QSOX1: variants seen among roughly 807,000 people sequenced by gnomAD.
QSOX1 encodes the protein sulfhydryl oxidase 1.
In QSOX1, 40 loss-of-function variants were observed where a neutral mutation model predicts 76.1. The observed-to-expected ratio is 0.53, with a 90% CI of 0.41 to 0.68. The LOEUF (loss-of-function observed/expected upper bound fraction) is 0.68, where lower values mean the gene tolerates loss of function less well. Among genes scored for constraint, QSOX1 ranks in the 30% least tolerant of loss-of-function variants. The pLI, the probability that QSOX1 is intolerant of heterozygous loss-of-function variation, is 0.00. For synonymous variants in QSOX1, 392 were observed against 413.1 expected (o/e 0.95, Z 0.62); for missense variants, 931 against 974.3 (o/e 0.96, Z 0.59).
At chr1:180,163,317 C>A (rs1309483279) in intron 1 of QSOX1, among the ~76,000 whole-genome samples, 1 of 152,138 alleles carries the variant, frequency 6.6e-6, no homozygotes, top group Admixed American at 6.6e-5. Flanking sequence ...AAAATACATC[C>A]TTACATTTTA....
intron 5 of QSOX1, among the ~76,000 whole-genome samples, chr1:180,181,689 AATT>A (rs1237936339): frequency 6.6e-6 from 1 of 152,194 alleles, no homozygotes; most frequent in African/African-American, 2.4e-5. Flanking sequence ...AACAAACAAT[AATT>A]AGTAATTTCT....
At position 180,194,241 on chromosome 1, in the gene QSOX1, C is replaced by G. The variant is rs1465366923; in HGVS notation, c.1317C>G (p.Ile439Met). Residue 439 changes from isoleucine to methionine, a missense_variant, in exon 11 of 12, where the codon ATC becomes ATG. Coordinates refer to ENST00000367602, the MANE Select transcript of QSOX1 (RefSeq NM_002826.5). ...AGGCCAAGGAGGTCCTCCCAGCCAT[C>G]CGAGGCTACGTGCACTACTTCTTCG... Reference protein sequence around the residue: ...AAKAKEVLPAIRGYVHYFFGC... With the variant: ...AAKAKEVLPAMRGYVHYFFGC... 3.7e-6 allele frequency: 6 copies of G among 1,613,024 alleles called. No individual in the cohort carries two copies. Among genetic ancestry groups the G allele is most frequent in the Admixed American group, 1.7e-5 (1 of 59,926 alleles).
chr1:180,180,799 G>A (rs887540736), intron 5 of QSOX1, among the ~76,000 whole-genome samples: 3 of 152,222 alleles, frequency 2.0e-5, no homozygotes, highest in African/African-American at 4.8e-5. Flanking sequence ...ACAGGTGTGA[G>A]CCACCACGCC....
chr1:180,189,501 A>C (rs755321997), intron 8 of QSOX1, 51 bp from the exon 9 acceptor site: 6 of 1,304,048 alleles, frequency 4.6e-6, no homozygotes, highest in Non-Finnish European at 6.1e-6. Flanking sequence ...AGGACGGGGA[A>C]CTTGGGGAAT....
chr1:180,184,494 C>CCACAGCA (rs5779048), intron 7 of QSOX1, among the ~76,000 whole-genome samples: 1 of 151,528 alleles, frequency 6.6e-6, no homozygotes, highest in East Asian at 1.9e-4. Context: ...TGTGCAGACC[C>CCACAGCA]TACAGCATCC....
chr1:180,154,986 G>A lies in QSOX1; in HGVS notation c.79G>A (p.Ala27Thr). The A allele has an allele frequency of 6.6e-7, 1 of 1,508,490 alleles. No individual in the cohort carries two copies. 93.4% of individuals were successfully genotyped at this position (1,508,490 alleles called of 1,614,324 possible). A position where few individuals can be genotyped will look rare whatever the true frequency, so the allele number is the denominator to read the frequency against. Residue 27 changes from alanine to threonine, a missense_variant, in exon 1 of 12, where the codon GCT becomes ACT. Ala to Thr is a moderately conservative substitution (Grantham distance 58, BLOSUM62 0). Transcript: ENST00000367602. ...GCTGTGGCTGCTCGCGGTTCCCGGCGCTAACGCGGCCCCGCGGTCGGCGCT... is the reference window on the plus strand; with the variant it reads ...GCTGTGGCTGCTCGCGGTTCCCGGCACTAACGCGGCCCCGCGGTCGGCGCT... ...LLLWLLAVPG[A>T]NAAPRSALYS... is the part of the protein sequence containing the mutation.
chr1:180,184,092 T>C lies in QSOX1; in HGVS notation c.887+42T>C, dbSNP rs764421790. The C allele has an allele frequency of 4.3e-5, 69 of 1,605,856 alleles. No individual in the cohort carries two copies. In the South Asian group the frequency reaches 7.4e-4, roughly 17 times the overall value. On this transcript the variant is annotated intron_variant, in intron 7 of 11. Coordinates refer to ENST00000367602, the MANE Select transcript of QSOX1 (RefSeq NM_002826.5). ...TTCTCCTCACTTCTTCTCCTTCCTC[T>C]GATCACAGACCACCACACCTTCACA... is the stretch of plus-strand genomic sequence containing the variant.
intron 7 of QSOX1, among the ~76,000 whole-genome samples, chr1:180,184,698 A>C (rs1558190396): frequency 6.6e-6 from 1 of 152,214 alleles, no homozygotes; most frequent in African/African-American, 2.4e-5. Flanking sequence ...TACCAGCTGC[A>C]TACCAGGTGG....
chr1:180,188,544 G>A (rs1350898251), intron 8 of QSOX1, among the ~76,000 whole-genome samples: 1 of 152,234 alleles, frequency 6.6e-6, no homozygotes. Flanking sequence ...CCAGAGGCCC[G>A]TGTGGGCTCA....
rs531768962 is a variant in QSOX1 at position 180,164,301 on chromosome 1, G to C, written c.266-2190G>C. Among the ~76,000 whole-genome samples, 9 of 152,294 alleles carry C rather than the reference G, an allele frequency of 5.9e-5. No homozygotes were observed. The East Asian group carries it at 1.4e-3, about 23-fold the overall frequency. ...GAAGGCTCCCCAAAAAGTGTGTGGT[G>C]GGGGGGTGTTGAGGAGGTTGGGGAA... On this transcript the variant is annotated intron_variant, in intron 1 of 11. Transcript: ENST00000367602.
chr1:180,158,300 G>A (rs1315819203), intron 1 of QSOX1, among the ~76,000 whole-genome samples: 3 of 152,238 alleles, frequency 2.0e-5, no homozygotes, highest in African/African-American at 7.2e-5. Context: ...TTGAGTGACA[G>A]TGAGCAGTGT....
chr1:180,178,541 TAA>T (rs1274859000), intron 4 of QSOX1, among the ~76,000 whole-genome samples: 6 of 152,192 alleles, frequency 3.9e-5, no homozygotes, highest in East Asian at 1.9e-4. Flanking sequence ...TCCTGACTTT[TAA>T]AAAGAGACAG....
chr1:180,165,308 GCCT>G (rs1300234622), intron 1 of QSOX1, among the ~76,000 whole-genome samples: 1 of 152,182 alleles, frequency 6.6e-6, no homozygotes, highest in African/African-American at 2.4e-5. Context: ...CACCAGGCAG[GCCT>G]CCTCCTCCTC....
chr1:180,191,595 C>T (rs1022666454), intron 10 of QSOX1, among the ~76,000 whole-genome samples: 1 of 152,220 alleles, frequency 6.6e-6, no homozygotes, highest in African/African-American at 2.4e-5. Flanking sequence ...CCCCACAGGG[C>T]CAGTATCTGA....
chr1:180,186,065 C>T lies in QSOX1; in HGVS notation c.900C>T (p.Tyr300=), dbSNP rs1375301305. The T allele has an allele frequency of 6.2e-7, 1 of 1,614,016 alleles. No individual in the cohort carries two copies. Among genetic ancestry groups the T allele is most frequent in the African/African-American group, 1.3e-5 (1 of 74,936 alleles). ...TCTGGGTCCTCAGCTCCAAGATCTA[C>T]ATGGCTGACCTGGAATCTGCACTGC... ...VWKLADRSKI[Y]MADLESALHY... The change falls in exon 8 of 12, where the codon TAC becomes TAT. Residue 300 remains tyrosine (Y), a synonymous_variant. Coordinates refer to ENST00000367602, the MANE Select transcript of QSOX1 (RefSeq NM_002826.5).
At chr1:180,174,119 G>T (rs1662823353) in intron 2 of QSOX1, among the ~76,000 whole-genome samples, 1 of 152,252 alleles carries the variant, frequency 6.6e-6, no homozygotes, top group African/African-American at 2.4e-5. Context: ...TGGCCCCGAG[G>T]CTAGAGTCCC....
intron 10 of QSOX1, among the ~76,000 whole-genome samples, chr1:180,192,147 G>GT (rs1419702802): frequency 1.3e-5 from 2 of 152,144 alleles, no homozygotes; most frequent in African/African-American, 4.8e-5. Context: ...ATAGGAATTT[G>GT]GGGGGACATA....
intron 5 of QSOX1, among the ~76,000 whole-genome samples, chr1:180,179,992 C>G (rs1662989677): frequency 1.3e-5 from 2 of 152,228 alleles, no homozygotes; most frequent in Admixed American, 6.5e-5. Flanking sequence ...TCCTTGAGTA[C>G]CAAGGGGCTG....
chr1:180,166,237 CAG>C (rs1003324623), intron 1 of QSOX1, among the ~76,000 whole-genome samples: 33 of 152,316 alleles, frequency 2.2e-4, no homozygotes, highest in Middle Eastern at 3.4e-3. Flanking sequence ...AATGGAGAAA[CAG>C]ATACCATTAT....
Sources: allele counts gnomAD v4.1 joint callset (sites outside exome capture counted in the v4.1 genomes callset), GRCh38; gene constraint gnomAD v4.1.1; transcripts MANE v1.5; gene names NCBI Gene and HGNC (gene_info 2026-07-23, HGNC 2026-07-21).